CD82: variants seen among roughly 807,000 people sequenced by gnomAD.
CD82 encodes CD82 antigen.
CD82 carries 36 observed loss-of-function variants against 37.4 expected under a neutral mutation model. That is an observed-to-expected ratio of 0.96 (90% confidence interval 0.74 to 1.27). The LOEUF (loss-of-function observed/expected upper bound fraction) is 1.27, where lower values mean the gene tolerates loss of function less well. CD82 is among the 50% of genes most tolerant of loss of function. CD82 has a pLI of 0.00. For synonymous variants in CD82, 158 were observed against 137.4 expected (o/e 1.15, Z -1.05); for missense variants, 340 against 347.0 (o/e 0.98, Z 0.16).
In CD82 at chr11:44,619,161, C is replaced by T. The variant is rs1230539780; in HGVS notation, c.*35C>T. On this transcript the variant is annotated 3_prime_UTR_variant, in exon 10 of 10. Coordinates refer to ENST00000227155, the MANE Select transcript of CD82 (RefSeq NM_002231.4). ...TATCCCCATCTCCCTGCCTGGCCCC[C>T]AACCTCAGGGCTCCCAGGGGTCTCC... 1 of 1,555,776 alleles carries T rather than the reference C, an allele frequency of 6.4e-7. No individual in the cohort carries two copies. The highest frequency in any genetic ancestry group is 8.9e-7 in the Non-Finnish European group (1 of 1,126,834).
intron 4 of CD82, chr11:44,604,851 G>C: frequency 1.6e-6 from 1 of 637,422 alleles, no homozygotes; most frequent in East Asian, 2.8e-5. Context: ...CTGGATGAGG[G>C]TGTGGATTGC....
intron 3 of CD82, 99 bp from the exon 4 acceptor site, chr11:44,600,059 C>T: frequency 1.6e-6 from 2 of 1,213,644 alleles, no homozygotes; most frequent in East Asian, 2.3e-5. Context: ...CCTCTGTGGC[C>T]CCCTGCCCTG....
At position 44,601,247 on chromosome 11, in the gene CD82, G is replaced by A. The variant is rs1381669171; in HGVS notation, c.136+1017G>A. Among the ~76,000 whole-genome samples the A allele has an allele frequency of 3.3e-5, 5 of 152,126 alleles. No individual in the cohort carries two copies. In the East Asian group the frequency reaches 9.7e-4, roughly 29 times the overall value. ...ACAGCTGCTTGATTTACATAAAGCG[G>A]AACCTAGCTAGGATGTGATGATGGA... is the stretch of plus-strand genomic sequence containing the variant. On this transcript the variant is annotated intron_variant, in intron 4 of 9. Coordinates refer to ENST00000227155, the MANE Select transcript of CD82 (RefSeq NM_002231.4).
intron 1 of CD82, among the ~76,000 whole-genome samples, chr11:44,580,779 T>C (rs1264637234): frequency 6.6e-6 from 1 of 152,200 alleles, no homozygotes; most frequent in African/African-American, 2.4e-5. Flanking sequence ...TTGTCTATCC[T>C]AAATTCTCGT....
In CD82 at chr11:44,583,017, G is replaced by A. The variant is rs1048655177; in HGVS notation, c.-102-4458G>A. On this transcript the variant is annotated intron_variant, in intron 1 of 9. Transcript: ENST00000227155. Reference sequence around the variant, plus strand: ...TGTGCATTCCCCAGAAGGGGTGGGGGTAGGGGTTCATTTTCTTCTCTGGGC... The same window carrying A: ...TGTGCATTCCCCAGAAGGGGTGGGGATAGGGGTTCATTTTCTTCTCTGGGC... 7.2e-5 allele frequency among the ~76,000 whole-genome samples: 11 copies of A among 152,238 alleles called. 1 individual carries two copies. The highest frequency in any genetic ancestry group is 2.0e-4 in the Admixed American group (3 of 15,280).
intron 6 of CD82, among the ~76,000 whole-genome samples, chr11:44,614,239 C>A (rs1007943588): frequency 6.6e-6 from 1 of 152,130 alleles, no homozygotes; most frequent in African/African-American, 2.4e-5. Context: ...AGTCTTGGGG[C>A]CCCCTCCAGG....
intron 2 of CD82, among the ~76,000 whole-genome samples, chr11:44,589,505 T>C (rs1295176753): frequency 6.6e-6 from 1 of 152,266 alleles, no homozygotes; most frequent in African/African-American, 2.4e-5. Flanking sequence ...TCCTCATCCC[T>C]TGCTGCTTCT....
intron 1 of CD82, among the ~76,000 whole-genome samples, chr11:44,580,381 C>G (rs1852962844): frequency 6.6e-6 from 1 of 152,162 alleles, no homozygotes; most frequent in African/African-American, 2.4e-5. Flanking sequence ...GAAGGATTAG[C>G]CCATTGGACA....
At position 44,597,368 on chromosome 11, in the gene CD82, G is replaced by A. The variant is rs147115583; in HGVS notation, c.63+2643G>A. On this transcript the variant is annotated intron_variant, in intron 3 of 9. Transcript: ENST00000227155. The surrounding 1 kb of genome is among the most constrained non-coding windows in gnomAD (Gnocchi z 4.1). The stretch of plus-strand genomic sequence containing the variant: ...TGGGGATTGGGGAAGGGCTGGGGGA[G>A]TGATTAACATGGGGCCTGCCCCACA... Among the ~76,000 whole-genome samples, 32 of 151,790 alleles carry A rather than the reference G, an allele frequency of 2.1e-4. No homozygotes were observed. Among genetic ancestry groups the A allele is most frequent in the African/African-American group, 7.3e-4 (30 of 41,268 alleles).
chr11:44,609,784 A>G (rs1853454552), intron 6 of CD82, among the ~76,000 whole-genome samples: 2 of 151,976 alleles, frequency 1.3e-5, no homozygotes, highest in Admixed American at 6.6e-5. Context: ...GGACAGGGAG[A>G]GGTGACCTTT....
At chr11:44,572,598 C>T (rs2134617709) in intron 1 of CD82, among the ~76,000 whole-genome samples, 1 of 148,562 alleles carries the variant, frequency 6.7e-6, no homozygotes, top group South Asian at 2.1e-4. Flanking sequence ...GTCCATTGTC[C>T]GCAGCCGCCC....
intron 2 of CD82, among the ~76,000 whole-genome samples, chr11:44,594,279 A>G (rs1853188247): frequency 6.6e-6 from 1 of 152,060 alleles, no homozygotes; most frequent in Non-Finnish European, 1.5e-5. Flanking sequence ...CTGTCAATGG[A>G]TCACTAACTT....
At chr11:44,566,818 G>C (rs867531071) in intron 1 of CD82, among the ~76,000 whole-genome samples, 3 of 151,996 alleles carry the variant, frequency 2.0e-5, no homozygotes, top group African/African-American at 7.3e-5. Context: ...GGAGAGATGG[G>C]GTTGGCTACA....
At position 44,599,201 on chromosome 11, in the gene CD82, G is replaced by A. The variant is rs140941442; in HGVS notation, c.64-957G>A. 4.0e-3 allele frequency among the ~76,000 whole-genome samples: 607 copies of A among 152,344 alleles called. 4 individuals are homozygous for A. The highest frequency in any genetic ancestry group is 7.2e-3 in the Non-Finnish European group (491 of 68,028). On this transcript the variant is annotated intron_variant, in intron 3 of 9. Transcript: ENST00000227155. Reference sequence around the variant, plus strand: ...GGTCTTGCCCTGTCACCCAGGTCATGTCATGAACACAGTTCACTGCAGCCT... The same window carrying A: ...GGTCTTGCCCTGTCACCCAGGTCATATCATGAACACAGTTCACTGCAGCCT...
At chr11:44,584,788 C>G (rs533697460) in intron 1 of CD82, among the ~76,000 whole-genome samples, 1 of 152,206 alleles carries the variant, frequency 6.6e-6, no homozygotes, top group South Asian at 2.1e-4. Flanking sequence ...GCAGGGATTT[C>G]AGGAAACACA....
intron 6 of CD82, among the ~76,000 whole-genome samples, chr11:44,612,125 A>G (rs923467974): frequency 6.6e-6 from 1 of 152,256 alleles, no homozygotes; most frequent in East Asian, 1.9e-4. Context: ...ATCACCTGGC[A>G]GACAGCCCCA....
At chr11:44,584,126 A>G (rs950132894) in intron 1 of CD82, among the ~76,000 whole-genome samples, 1 of 151,962 alleles carries the variant, frequency 6.6e-6, no homozygotes, top group Non-Finnish European at 1.5e-5. Context: ...AGCTCCTTCC[A>G]TGTCATTTTC....
intron 2 of CD82, among the ~76,000 whole-genome samples, chr11:44,592,928 AC>A (rs1360310863): frequency 2.0e-5 from 3 of 152,064 alleles, no homozygotes; most frequent in Admixed American, 6.6e-5. Context: ...GCTCACTACC[AC>A]CCAGGCAGCT....
At chr11:44,602,891 C>T (rs556130799) in intron 4 of CD82, among the ~76,000 whole-genome samples, 5 of 152,268 alleles carry the variant, frequency 3.3e-5, no homozygotes, top group African/African-American at 9.6e-5. Flanking sequence ...TGATCCTTCC[C>T]TGCCAGGCAC....
Sources: allele counts gnomAD v4.1 joint callset (sites outside exome capture counted in the v4.1 genomes callset), GRCh38; gene constraint gnomAD v4.1.1; non-coding constraint Gnocchi (gnomAD v3.1); transcripts MANE v1.5; gene names NCBI Gene and HGNC (gene_info 2026-07-23, HGNC 2026-07-21).